PHF24: variants seen among roughly 807,000 people sequenced by gnomAD.
PHF24 encodes PHD finger protein 24.
A neutral mutation model predicts 42.6 loss-of-function variants in PHF24; 25 were observed. The observed-to-expected ratio is 0.59, with a 90% confidence interval of 0.43 to 0.82. The LOEUF is 0.82. Among genes scored for constraint, PHF24 ranks in the 40% least tolerant of loss-of-function variants. PHF24 has a pLI of 0.00. For missense variants in PHF24, 470 were observed against 538.1 expected (o/e 0.87, Z 1.25); for synonymous variants, 185 against 204.8 (o/e 0.90, Z 0.83).
chr9:34,967,568 A>G (rs181908944), intron 1 of PHF24, among the ~76,000 whole-genome samples: 4 of 152,340 alleles, frequency 2.6e-5, no homozygotes, highest in Non-Finnish European at 1.5e-5. Flanking sequence ...ATGCTCAAAT[A>G]AAAATATGAA....
At chr9:34,741,967 A>G in the PHF24 span, among the ~76,000 whole-genome samples, 1 of 152,202 alleles carries the variant, frequency 6.6e-6, no homozygotes, top group Non-Finnish European at 1.5e-5. Flanking sequence ...ATATCAATGT[A>G]CTTGTCGAGA....
chr9:34,956,849 T>C (rs1401191211), upstream of PHF24, among the ~76,000 whole-genome samples: 1 of 152,232 alleles, frequency 6.6e-6, no homozygotes, highest in Non-Finnish European at 1.5e-5. Context: ...AACTAATAAG[T>C]ACTAATTTTA....
At chr9:34,809,037 T>TAA in the PHF24 span, among the ~76,000 whole-genome samples, 50 of 104,076 alleles carry the variant, frequency 4.8e-4, no homozygotes, top group African/African-American at 1.8e-3. The surrounding 1 kb of genome is among the most constrained non-coding windows in gnomAD (Gnocchi z 4.1). Context: ...TAAAGTATAA[T>TAA]AAAAAAAAAA....
the PHF24 span, among the ~76,000 whole-genome samples, chr9:34,852,734 T>C: frequency 2.3e-4 from 35 of 152,350 alleles, no homozygotes; most frequent in East Asian, 6.2e-3. Context: ...AGTTTCATTA[T>C]GATATGTTTT....
At chr9:34,899,341 CA>C in the PHF24 span, among the ~76,000 whole-genome samples, 1 of 152,162 alleles carries the variant, frequency 6.6e-6, no homozygotes, top group Non-Finnish European at 1.5e-5. Flanking sequence ...ACAATGATTG[CA>C]ATAGAATTTC....
chr9:34,886,751 T>TCTATCTATCTATCTAC, the PHF24 span, among the ~76,000 whole-genome samples: 2 of 41,240 alleles, frequency 4.8e-5, no homozygotes, highest in Admixed American at 3.0e-4. Flanking sequence ...TATCTATCTA[T>TCTATCTATCTATCTAC]CTATCTGTCT....
chr9:34,977,762 C>T (rs2297647), intron 7 of PHF24, 121 bp downstream of exon 7: 149,629 of 887,810 alleles, frequency 0.17, 13,645 homozygotes, highest in South Asian at 0.26. Context: ...AGAAACCAGG[C>T]TCCAAGAGTG....
the PHF24 span, among the ~76,000 whole-genome samples, chr9:34,867,224 A>G: frequency 6.6e-6 from 1 of 152,230 alleles, no homozygotes; most frequent in Non-Finnish European, 1.5e-5. Flanking sequence ...TTTTTCAGCA[A>G]AATGGAGAGG....
chr9:34,726,395 G>A, the PHF24 span: 1 of 1,548,402 alleles, frequency 6.5e-7, no homozygotes, highest in Non-Finnish European at 8.7e-7. Context: ...TGGCAGGTGG[G>A]CAGGGAGGAC....
At chr9:34,855,098 C>T in the PHF24 span, among the ~76,000 whole-genome samples, 25 of 152,158 alleles carry the variant, frequency 1.6e-4, no homozygotes, top group East Asian at 4.8e-3. Flanking sequence ...GATTATGACC[C>T]TGGTTTTTTC....
chr9:34,792,677 GA>G, the PHF24 span, among the ~76,000 whole-genome samples: 78,782 of 147,006 alleles, frequency 0.54, 21,643 homozygotes, highest in Non-Finnish European at 0.62. Flanking sequence ...TCCATCTCAG[GA>G]AAAAAAAAAA....
chr9:34,673,352 TC>T, the PHF24 span, among the ~76,000 whole-genome samples: 9 of 16,768 alleles, frequency 5.4e-4, no homozygotes, highest in Non-Finnish European at 1.3e-3. Context: ...AGACTCTATT[TC>T]AAAAAAAAAA....
In PHF24 at chr9:34,977,651, A is replaced by G; in HGVS notation, c.1106+10A>G. The G allele has an allele frequency of 1.3e-6, 2 of 1,564,590 alleles. No homozygotes were observed. The highest frequency in any genetic ancestry group is 2.3e-5 in the South Asian group (2 of 86,292). ...CAGAGCAGGAGTCCAGGTGAGTAGG[A>G]CCTCCTCACCTGGCCATTTGTACCC... On this transcript the variant is annotated intron_variant, in intron 7 of 7. Coordinates refer to ENST00000242315, the Ensembl canonical transcript of PHF24.
At chr9:34,884,403 C>G in the PHF24 span, among the ~76,000 whole-genome samples, 1 of 152,022 alleles carries the variant, frequency 6.6e-6, no homozygotes, top group South Asian at 2.1e-4. Context: ...AAAATAAGAC[C>G]ACAGTATGAG....
chr9:34,848,816 G>C, the PHF24 span, among the ~76,000 whole-genome samples: 905 of 152,130 alleles, frequency 5.9e-3, 9 homozygotes, highest in African/African-American at 0.02. Context: ...GTTCTCGTTG[G>C]TTTCAAAGAA....
chr9:34,926,777 G>A, the PHF24 span, among the ~76,000 whole-genome samples: 1 of 152,088 alleles, frequency 6.6e-6, no homozygotes, highest in African/African-American at 2.4e-5. This position sits in a 1 kb window ranked among gnomAD's most constrained non-coding sequence, Gnocchi z 4.3. Context: ...TGGCCCACAG[G>A]GCTGTTTCTT....
the PHF24 span, among the ~76,000 whole-genome samples, chr9:34,698,226 G>T: frequency 2.4e-4 from 36 of 152,018 alleles, no homozygotes; most frequent in Non-Finnish European, 4.9e-4. Context: ...TTGATTGGGT[G>T]GGGGGCTGGG....
At chr9:34,820,526 G>A in the PHF24 span, among the ~76,000 whole-genome samples, 5 of 152,068 alleles carry the variant, frequency 3.3e-5, no homozygotes, top group African/African-American at 9.7e-5. Context: ...TGAGAATAAC[G>A]GCTTCCAGCT....
At chr9:34,766,218 T>C in the PHF24 span, among the ~76,000 whole-genome samples, 2 of 152,232 alleles carry the variant, frequency 1.3e-5, no homozygotes, top group African/African-American at 4.8e-5. Context: ...TGTGGTGTTC[T>C]CTGTATTTCC....
Sources: allele counts gnomAD v4.1 joint callset (sites outside exome capture counted in the v4.1 genomes callset), GRCh38; gene constraint gnomAD v4.1.1; non-coding constraint Gnocchi (gnomAD v3.1); transcripts MANE v1.5; gene names NCBI Gene and HGNC (gene_info 2026-07-23, HGNC 2026-07-21).